TMEM132D: variants seen among roughly 807,000 people sequenced by gnomAD.
TMEM132D encodes transmembrane protein 132D, also known as mature OL transmembrane protein.
A neutral mutation model predicts 62.3 loss-of-function variants in TMEM132D; 21 were observed. The observed-to-expected ratio is 0.34, with a 90% CI of 0.24 to 0.49. The LOEUF (loss-of-function observed/expected upper bound fraction) is 0.49. TMEM132D is among the 20% of genes least tolerant of loss of function. The pLI, the probability that TMEM132D is intolerant of heterozygous loss-of-function variation, is 0.99. For missense variants in TMEM132D, 1,346 were observed against 1,402.8 expected, an observed-to-expected ratio of 0.96 and a Z score of 0.65; for synonymous variants, 621 against 575.6, an observed-to-expected ratio of 1.08 and a Z score of -1.13.
chr12:129,215,441 T>G (rs1879174652), intron 4 of TMEM132D, among the ~76,000 whole-genome samples: 2 of 152,168 alleles, frequency 1.3e-5, no homozygotes, highest in Admixed American at 1.3e-4. Flanking sequence ...CACATTTCCC[T>G]TTGTAACAAA....
intron 3 of TMEM132D, among the ~76,000 whole-genome samples, chr12:129,466,196 G>A (rs937200370): frequency 2.0e-5 from 3 of 150,190 alleles, no homozygotes; most frequent in Non-Finnish European, 4.4e-5. Context: ...TGACAAAGAA[G>A]AATGTTTCTG....
intron 4 of TMEM132D, among the ~76,000 whole-genome samples, chr12:129,268,009 C>T (rs1448406183): frequency 6.6e-6 from 1 of 152,168 alleles, no homozygotes; most frequent in Non-Finnish European, 1.5e-5. Context: ...GGATCCCTTC[C>T]TTACACCTTA....
chr12:129,752,377 T>G (rs1380238416), intron 1 of TMEM132D, among the ~76,000 whole-genome samples: 1 of 152,158 alleles, frequency 6.6e-6, no homozygotes, highest in African/African-American at 2.4e-5. Flanking sequence ...TAACTCAGAT[T>G]AAAGGCCCTG....
At chr12:129,509,110 T>A (rs2137072675) in intron 3 of TMEM132D, among the ~76,000 whole-genome samples, 1 of 152,278 alleles carries the variant, frequency 6.6e-6, no homozygotes, top group Non-Finnish European at 1.5e-5. Flanking sequence ...TCAGAATGCC[T>A]CAGCTTGCTG....
In TMEM132D at chr12:129,719,158, G is replaced by T. The variant is rs976044663; in HGVS notation, c.80-18460C>A. On this transcript the variant is annotated intron_variant, in intron 1 of 8. Coordinates refer to ENST00000422113, the MANE Select transcript of TMEM132D (RefSeq NM_133448.3). ...ACCTGTAGTCCCAGCTACTTGGGGGGCTGAGTGGGAGAATCACTTGAGCCC... is the reference window on the plus strand; with the variant it reads ...ACCTGTAGTCCCAGCTACTTGGGGGTCTGAGTGGGAGAATCACTTGAGCCC... Among the ~76,000 whole-genome samples the T allele has an allele frequency of 3.9e-5, 6 of 152,046 alleles. No individual in the cohort carries two copies. In the East Asian group the frequency reaches 9.7e-4, roughly 25 times the overall value.
chr12:129,367,155 A>G (rs1870440628), intron 3 of TMEM132D, among the ~76,000 whole-genome samples: 1 of 152,208 alleles, frequency 6.6e-6, no homozygotes, highest in African/African-American at 2.4e-5. Context: ...AGGACAAAAC[A>G]TGGTGCTGAA....
intron 2 of TMEM132D, among the ~76,000 whole-genome samples, chr12:129,625,647 G>A (rs1879194316): frequency 6.6e-6 from 1 of 152,238 alleles, no homozygotes; most frequent in African/African-American, 2.4e-5. Context: ...CTGACAGAGT[G>A]TGGATGAGAT....
chr12:129,710,273 T>A (rs148760215), intron 1 of TMEM132D, among the ~76,000 whole-genome samples: 1 of 151,570 alleles, frequency 6.6e-6, no homozygotes, highest in Admixed American at 6.6e-5. Flanking sequence ...TCGCTAATGG[T>A]CATTATTAAT....
At chr12:129,207,776 A>C (rs1416639948) in intron 5 of TMEM132D, among the ~76,000 whole-genome samples, 2 of 151,848 alleles carry the variant, frequency 1.3e-5, no homozygotes, top group Non-Finnish European at 2.9e-5. Context: ...ATATAAAAAA[A>C]GTATTGATCC....
Position 129,237,063 on chromosome 12 carries a change from C to T in TMEM132D, c.1300-27400G>A, listed in dbSNP as rs575592993. On this transcript the variant is annotated intron_variant, in intron 4 of 8. Transcript: ENST00000422113. The stretch of plus-strand genomic sequence containing the variant: ...GCATATGTTGAAACATCTTTGCATC[C>T]GGGGGTAAATTCCACTTGGTTATGT... 2.3e-3 allele frequency among the ~76,000 whole-genome samples: 346 copies of T among 152,130 alleles called. 1 individual carries two copies. The highest frequency in any genetic ancestry group is 8.0e-3 in the African/African-American group (332 of 41,486).
chr12:129,607,711 A>G (rs1364739019), intron 2 of TMEM132D, among the ~76,000 whole-genome samples: 3 of 152,206 alleles, frequency 2.0e-5, no homozygotes, highest in Non-Finnish European at 4.4e-5. Flanking sequence ...TACAGGATGA[A>G]TAGATGAACA....
At chr12:129,579,425 C>G (rs1483795036) in intron 2 of TMEM132D, among the ~76,000 whole-genome samples, 1 of 152,140 alleles carries the variant, frequency 6.6e-6, no homozygotes, top group Non-Finnish European at 1.5e-5. Context: ...CCATGATAGA[C>G]TATCTGCAAG....
chr12:129,269,686 C>A (rs1265677917), intron 4 of TMEM132D, among the ~76,000 whole-genome samples: 3 of 125,802 alleles, frequency 2.4e-5, no homozygotes, highest in African/African-American at 6.1e-5. Flanking sequence ...TTAACAAAAC[C>A]CCCCCAGTTA....
chr12:129,875,218 C>T (rs545786594), intron 1 of TMEM132D, among the ~76,000 whole-genome samples: 20 of 152,292 alleles, frequency 1.3e-4, no homozygotes, highest in Admixed American at 9.1e-4. Context: ...AGACAAAGTG[C>T]GCAAGGTCGT....
intron 1 of TMEM132D, among the ~76,000 whole-genome samples, chr12:129,898,623 G>T (rs1593203578): frequency 6.6e-6 from 1 of 152,218 alleles, no homozygotes; most frequent in East Asian, 1.9e-4. Context: ...GTTACTCTAA[G>T]TCAACTGCCA....
At position 129,217,616 on chromosome 12, in the gene TMEM132D, C is replaced by T. The variant is rs1879241784; in HGVS notation, c.1300-7953G>A. Among the ~76,000 whole-genome samples the T allele has an allele frequency of 2.0e-5, 3 of 152,130 alleles. No individual in the cohort carries two copies. In the South Asian group the frequency reaches 6.2e-4, roughly 32 times the overall value. ...CACCTCAACCTCTAAGCAGTGTGTTCCCATCACTTAACTCTGTGTGAGGCA... is the reference window on the plus strand; with the variant it reads ...CACCTCAACCTCTAAGCAGTGTGTTTCCATCACTTAACTCTGTGTGAGGCA... On this transcript the variant is annotated intron_variant, in intron 4 of 8. Transcript: ENST00000422113.
chr12:129,369,932 G>A (rs1314668526), intron 3 of TMEM132D, among the ~76,000 whole-genome samples: 1 of 152,188 alleles, frequency 6.6e-6, no homozygotes, highest in Non-Finnish European at 1.5e-5. Flanking sequence ...AAATGCTGCG[G>A]AAGCCAGGTG....
chr12:129,640,867 C>A (rs1007781734), intron 2 of TMEM132D, among the ~76,000 whole-genome samples: 1 of 152,126 alleles, frequency 6.6e-6, no homozygotes, highest in Non-Finnish European at 1.5e-5. Context: ...GCATTAGATT[C>A]TCATAGGAGT....
At chr12:129,862,679 T>C (rs1437986352) in intron 1 of TMEM132D, among the ~76,000 whole-genome samples, 1 of 152,174 alleles carries the variant, frequency 6.6e-6, no homozygotes, top group Non-Finnish European at 1.5e-5. Context: ...GACTGTTTAT[T>C]TGAATTCCAT....
Sources: allele counts gnomAD v4.1 joint callset (sites outside exome capture counted in the v4.1 genomes callset), GRCh38; gene constraint gnomAD v4.1.1; transcripts MANE v1.5; gene names NCBI Gene and HGNC (gene_info 2026-07-23, HGNC 2026-07-21).